GLE1: variants seen among roughly 807,000 people sequenced by gnomAD.
The protein encoded by GLE1 is mRNA export factor GLE1.
GLE1 carries 78 observed loss-of-function variants against 97.3 expected under a neutral mutation model. The ratio of observed to expected loss-of-function variants is 0.80; its 90% CI spans 0.67 to 0.97. The LOEUF (loss-of-function observed/expected upper bound fraction) is 0.97, where lower values mean the gene tolerates loss of function less well. Ranked by LOEUF, GLE1 falls within the 50% of genes least tolerant of loss-of-function variation. The probability of loss-of-function intolerance (pLI) is 0.00; values close to 1 mark genes in which losing one functional copy is unlikely to be tolerated. For missense variants in GLE1, 753 were observed against 857.5 expected (o/e 0.88, Z 1.52); for synonymous variants, 302 against 313.4 (o/e 0.96, Z 0.39).
intron 3 of GLE1, among the ~76,000 whole-genome samples, chr9:128,516,030 C>T (rs1846976847): frequency 1.3e-5 from 2 of 149,204 alleles, no homozygotes; most frequent in South Asian, 2.1e-4. Context: ...AATCTTGGCT[C>T]ACTGCAACCT....
chr9:128,524,410 A>G (rs966368618), intron 6 of GLE1, among the ~76,000 whole-genome samples: 2 of 151,466 alleles, frequency 1.3e-5, no homozygotes, highest in Non-Finnish European at 2.9e-5. Flanking sequence ...TTAAATTAGC[A>G]ATAGAGATCT....
rs1589054799 is a variant in GLE1, at chr9:128,522,647, A to C, written c.433-21A>C. 4 of 1,600,428 alleles carry C rather than the reference A, an allele frequency of 2.5e-6. No individual in the cohort carries two copies. In the East Asian group the frequency reaches 6.7e-5, roughly 27 times the overall value. On this transcript the variant is annotated intron_variant, in intron 3 of 15. Transcript: ENST00000309971. ...AGAGATTCCATCTTAAAAAAAAAAA[A>C]AAAAAAAAAAACCTTTTCAGGAGGG...
At position 128,542,206 on chromosome 9, in the gene GLE1, G is replaced by A. The variant is rs1847897864; in HGVS notation, c.*1036G>A. 1 of 152,128 alleles carries A rather than the reference G, an allele frequency of 6.6e-6. No homozygotes were observed. Among genetic ancestry groups the A allele is most frequent in the South Asian group, 2.1e-4 (1 of 4,828 alleles). The allele number at this position is 152,128 out of a possible 1,614,324, so 9.4% of individuals were successfully genotyped here. ...TGGGGGAGTGTTCACTGGTACTCTT[G>A]AGTGGCCTGAAGTGACCCATTCTAT... On this transcript the variant is annotated 3_prime_UTR_variant, in exon 16 of 16. Coordinates refer to ENST00000309971, the MANE Select transcript of GLE1 (RefSeq NM_001003722.2).
At chr9:128,531,555 G>T (rs1376393497) in intron 9 of GLE1, among the ~76,000 whole-genome samples, 2 of 151,086 alleles carry the variant, frequency 1.3e-5, no homozygotes, top group Admixed American at 6.6e-5. Context: ...GATGTCGCCG[G>T]GTGTGGTGGC....
rs1274206026 is a variant in GLE1 at position 128,513,978 on chromosome 9, A to G, written c.322-1551A>G. Among the ~76,000 whole-genome samples, 3 of 149,702 alleles carry G rather than the reference A, an allele frequency of 2.0e-5. No homozygotes were observed. The Admixed American group carries it at 2.0e-4, about 10-fold the overall frequency. Reference sequence around the variant, plus strand: ...GCTTGCAGTGAGCCGAGATTGCGCTACTGCACTCCAGCCTGGGCAACAGAG... The same window carrying G: ...GCTTGCAGTGAGCCGAGATTGCGCTGCTGCACTCCAGCCTGGGCAACAGAG... On this transcript the variant is annotated intron_variant, in intron 2 of 15. Transcript: ENST00000309971.
intron 11 of GLE1, 58 bp downstream of exon 11, chr9:128,534,009 G>T: frequency 1.8e-6 from 2 of 1,140,560 alleles, no homozygotes; most frequent in Non-Finnish European, 2.7e-6. Flanking sequence ...AATATAAATA[G>T]AATTGGAATT....
chr9:128,534,429 T>A (rs1375608068), intron 11 of GLE1, among the ~76,000 whole-genome samples: 1 of 152,162 alleles, frequency 6.6e-6, no homozygotes, highest in African/African-American at 2.4e-5. Flanking sequence ...GCCTTTGGGA[T>A]TTGTGAACTT....
At chr9:128,524,578 G>T (rs150492631) in intron 6 of GLE1, among the ~76,000 whole-genome samples, 116 of 118,132 alleles carry the variant, frequency 9.8e-4, no homozygotes, top group African/African-American at 3.2e-3. Context: ...TTGAGACAGG[G>T]TCTCACACTC....
intron 3 of GLE1, among the ~76,000 whole-genome samples, chr9:128,520,813 G>A (rs530870978): frequency 6.6e-6 from 1 of 151,906 alleles, no homozygotes; most frequent in Non-Finnish European, 1.5e-5. Context: ...GAATACAGTG[G>A]TGCAATCACC....
At chr9:128,511,629 G>A (rs983550968) in intron 2 of GLE1, among the ~76,000 whole-genome samples, 2 of 150,596 alleles carry the variant, frequency 1.3e-5, no homozygotes, top group African/African-American at 2.4e-5. Flanking sequence ...TGATGTGAAC[G>A]CGGGAGGCAG....
rs2132457005 is a variant in GLE1 at position 128,523,287 on chromosome 9, GAA to G, written c.590_591del (p.Glu197GlyfsTer11). ...CTGCCATTTTTCATGCAGCTCCAGA[GAA>G]GCCTTGGGACACCAAGAGAAGCTAA... ...LREVMEKSSR[E>X]ALGHQEKLKA... On this transcript the variant is annotated frameshift_variant, in exon 5 of 16. Coordinates refer to ENST00000309971, the MANE Select transcript of GLE1 (RefSeq NM_001003722.2). LOFTEE classifies it high-confidence loss of function. 3.1e-6 allele frequency: 5 copies of G among 1,611,286 alleles called. No homozygotes were observed. Among genetic ancestry groups the G allele is most frequent in the Non-Finnish European group, 4.2e-6 (5 of 1,177,390 alleles).
In GLE1 at chr9:128,504,848, C is replaced by A; in HGVS notation, c.43C>A (p.Arg15Ser). 1 of 1,613,596 alleles carries A rather than the reference C, an allele frequency of 6.2e-7. No individual in the cohort carries two copies. Among genetic ancestry groups the A allele is most frequent in the Non-Finnish European group, 8.5e-7 (1 of 1,179,486 alleles). Residue 15 changes from arginine (R) to serine (S), a missense_variant, in exon 1 of 16, where the codon CGC becomes AGC. Transcript: ENST00000309971. ...GRCWETLKAL[R>S]SSDKGRLCYY... is the part of the protein sequence containing the mutation. ...CTGCTGGGAGACCTTGAAGGCCCTA[C>A]GCAGTTCCGACAAAGGTCGCCTTTG...
chr9:128,509,829 CGAGCTT>C (rs1180415401), intron 2 of GLE1, among the ~76,000 whole-genome samples: 1 of 151,828 alleles, frequency 6.6e-6, no homozygotes, highest in Non-Finnish European at 1.5e-5. Flanking sequence ...CATGGTGGCT[CGAGCTT>C]GTTGTCCTAG....
At chr9:128,509,185 A>G in intron 2 of GLE1, 88 bp downstream of exon 2, 1 of 807,998 alleles carries the variant, frequency 1.2e-6, no homozygotes, top group Non-Finnish European at 2.2e-6. Context: ...ACCATACCCT[A>G]GGGGAAATAA....
intron 6 of GLE1, 151 bp downstream of exon 6, chr9:128,523,997 G>T: frequency 1.5e-6 from 1 of 675,212 alleles, no homozygotes; most frequent in East Asian, 2.9e-5. Context: ...TCTTTACCTA[G>T]AAGTAACCAC....
chr9:128,538,073 C>T lies in GLE1; in HGVS notation c.1864C>T (p.Leu622Phe). The T allele has an allele frequency of 1.9e-6, 3 of 1,595,272 alleles. No homozygotes were observed. The highest frequency in any genetic ancestry group is 2.6e-6 in the Non-Finnish European group (3 of 1,162,846). ...CTTGTCAGATGTGACAGCCACCCTC[C>T]TCTTTGACTTCCTGGAGGTACGTAA... The part of the protein sequence containing the change: ...EPLSDVTATL[L>F]FDFLEVCGNA... The change falls in exon 13 of 16, where the codon CTC becomes TTC. Residue 622 changes from leucine (L) to phenylalanine (F), a missense_variant. Transcript: ENST00000309971.
chr9:128,522,591 C>A, intron 3 of GLE1, 77 bp from the exon 4 acceptor site: 1 of 1,453,692 alleles, frequency 6.9e-7, no homozygotes, highest in Non-Finnish European at 9.2e-7. Flanking sequence ...TTGGAGGTTG[C>A]AGTGAGCTGC....
chr9:128,510,154 C>A (rs117459843), intron 2 of GLE1, among the ~76,000 whole-genome samples: 5,226 of 151,894 alleles, frequency 0.034, 186 homozygotes, highest in East Asian at 0.15. Flanking sequence ...ACCTCCCAGG[C>A]TCAATCCACC....
chr9:128,537,452 TC>T (rs1847749253), intron 12 of GLE1, among the ~76,000 whole-genome samples: 1 of 38,984 alleles, frequency 2.6e-5, no homozygotes, highest in African/African-American at 1.2e-4. Flanking sequence ...AAACTCTCCC[TC>T]AAAAAAAAAA....
Sources: gnomAD v4.1 joint callset for allele counts (sites outside exome capture counted in the v4.1 genomes callset) on GRCh38, gnomAD v4.1.1 for gene constraint, MANE v1.5 for transcripts, NCBI Gene and HGNC (gene_info 2026-07-23, HGNC 2026-07-21) for gene names.